Variants in CCDC85A observed in about 807,000 individuals in gnomAD.
The protein encoded by CCDC85A is coiled-coil domain containing 85A.
In CCDC85A, 38 loss-of-function variants were observed where a neutral mutation model predicts 50.2. The ratio of observed to expected loss-of-function variants is 0.76; its 90% CI spans 0.58 to 0.99. The LOEUF is 0.99. Ranked by LOEUF, CCDC85A falls within the 50% of genes least tolerant of loss-of-function variation. The probability of loss-of-function intolerance (pLI) is 0.00; values close to 1 mark genes in which losing one functional copy is unlikely to be tolerated. For missense variants in CCDC85A, 820 were observed against 742.0 expected, an observed-to-expected ratio of 1.11 and a Z score of -1.22; for synonymous variants, 366 against 301.4, an observed-to-expected ratio of 1.21 and a Z score of -2.22.
chr2:56,322,282 A>G (rs1472996512), intron 2 of CCDC85A, among the ~76,000 whole-genome samples: 1 of 152,232 alleles, frequency 6.6e-6, no homozygotes, highest in Non-Finnish European at 1.5e-5. Context: ...CAAAAGCCCA[A>G]ATTGACAAAT....
intron 2 of CCDC85A, among the ~76,000 whole-genome samples, chr2:56,245,960 A>G (rs1669489992): frequency 6.6e-6 from 1 of 152,172 alleles, no homozygotes; most frequent in African/African-American, 2.4e-5. Flanking sequence ...GTATTCTGTT[A>G]TAGCAGCTGA....
intron 2 of CCDC85A, among the ~76,000 whole-genome samples, chr2:56,312,698 T>G (rs779238927): frequency 4.2e-4 from 64 of 152,288 alleles, no homozygotes; most frequent in Non-Finnish European, 7.4e-4. Flanking sequence ...GAACATCTAC[T>G]TTATAAAATG....
intron 1 of CCDC85A, among the ~76,000 whole-genome samples, chr2:56,189,312 T>TTTTTTTTTTTTTTTTTTAG (rs1572998269): frequency 6.7e-6 from 1 of 149,854 alleles, no homozygotes; most frequent in Admixed American, 6.6e-5. Flanking sequence ...TTTTTTTTTT[T>TTTTTTTTTTTTTTTTTTAG]GAGACAAGGT....
intron 2 of CCDC85A, among the ~76,000 whole-genome samples, chr2:56,293,321 A>T (rs1292856704): frequency 1.3e-5 from 2 of 152,230 alleles, no homozygotes. Flanking sequence ...ATATACAAAA[A>T]TTAACTCAAG....
intron 2 of CCDC85A, among the ~76,000 whole-genome samples, chr2:56,309,260 G>C (rs1672583603): frequency 6.6e-6 from 1 of 152,092 alleles, no homozygotes; most frequent in Non-Finnish European, 1.5e-5. Context: ...GTTCAAATTA[G>C]ATTTCTTGAC....
At chr2:56,197,578 A>G (rs1676578702) in intron 2 of CCDC85A, among the ~76,000 whole-genome samples, 1 of 152,198 alleles carries the variant, frequency 6.6e-6, no homozygotes, top group African/African-American at 2.4e-5. Context: ...GGTGATTCTA[A>G]TGAGTGGACC....
rs1034379907 is a variant in CCDC85A at position 56,254,048 on chromosome 2, A to G, written c.1240+60608A>G. Among the ~76,000 whole-genome samples the G allele has an allele frequency of 1.1e-4, 17 of 152,196 alleles. 1 individual carries two copies. Among genetic ancestry groups the G allele is most frequent in the Admixed American group, 1.1e-3 (17 of 15,278 alleles). On this transcript the variant is annotated intron_variant, in intron 2 of 5. Coordinates refer to ENST00000407595, the MANE Select transcript of CCDC85A (RefSeq NM_001080433.2). Reference sequence around the variant, plus strand: ...TCAACTCTAGTCTTAAGGAAGATACATGTGCATGCACACACATATACACAT... The same window carrying G: ...TCAACTCTAGTCTTAAGGAAGATACGTGTGCATGCACACACATATACACAT...
chr2:56,358,831 T>G (rs1020506166), intron 3 of CCDC85A, among the ~76,000 whole-genome samples: 3 of 151,772 alleles, frequency 2.0e-5, no homozygotes, highest in African/African-American at 7.3e-5. Flanking sequence ...GTTACCCAGG[T>G]TGGAGTACAG....
chr2:56,227,719 ATT>A (rs11293407), intron 2 of CCDC85A, among the ~76,000 whole-genome samples: 33 of 149,994 alleles, frequency 2.2e-4, no homozygotes, highest in South Asian at 6.4e-4. Context: ...AACCACCCCC[ATT>A]TTTTTTTTTG....
chr2:56,258,179 G>A (rs1670067843), intron 2 of CCDC85A, among the ~76,000 whole-genome samples: 1 of 152,152 alleles, frequency 6.6e-6, no homozygotes, highest in Admixed American at 6.5e-5. Context: ...GTAAGAGGTG[G>A]GGGAGGCCAT....
chr2:56,323,359 G>T (rs1425024201), intron 2 of CCDC85A, among the ~76,000 whole-genome samples: 1 of 152,068 alleles, frequency 6.6e-6, no homozygotes, highest in South Asian at 2.1e-4. Flanking sequence ...GCTTCTGAAG[G>T]TATAGGAAAT....
intron 2 of CCDC85A, among the ~76,000 whole-genome samples, chr2:56,326,702 A>G (rs562183839): frequency 3.3e-5 from 5 of 152,292 alleles, no homozygotes; most frequent in African/African-American, 1.2e-4. Context: ...TTGTTTAGTT[A>G]GAATAGTTTT....
intron 2 of CCDC85A, among the ~76,000 whole-genome samples, chr2:56,304,958 C>A: frequency 6.6e-6 from 1 of 150,426 alleles, no homozygotes; most frequent in East Asian, 1.9e-4. Flanking sequence ...AAAAAAAAAC[C>A]TGGGCGTGGT....
intron 2 of CCDC85A, among the ~76,000 whole-genome samples, chr2:56,240,506 G>C (rs1156726333): frequency 2.0e-5 from 3 of 151,930 alleles, no homozygotes; most frequent in African/African-American, 7.3e-5. Flanking sequence ...ATCATTCTTT[G>C]TGTGTTTTGT....
intron 2 of CCDC85A, among the ~76,000 whole-genome samples, chr2:56,270,641 C>T (rs765834581): frequency 3.9e-5 from 6 of 152,100 alleles, no homozygotes; most frequent in Admixed American, 6.5e-5. Flanking sequence ...TTTTAATGAA[C>T]TCTCGTTTTA....
intron 1 of CCDC85A, among the ~76,000 whole-genome samples, chr2:56,186,165 G>A (rs1340215619): frequency 6.6e-6 from 1 of 152,170 alleles, no homozygotes. Flanking sequence ...GGTGCAGGTA[G>A]GAAGATTCCT....
At position 56,204,545 on chromosome 2, in the gene CCDC85A, G is replaced by A. The variant is rs556821773; in HGVS notation, c.1240+11105G>A. ...CAGTCCATGCTGCCTCCAGCTTCTT[G>A]CCCTTCCTCTTCCAAGGAAAGGAAG... is the stretch of plus-strand genomic sequence containing the variant. On this transcript the variant is annotated intron_variant, in intron 2 of 5. Coordinates refer to ENST00000407595, the MANE Select transcript of CCDC85A (RefSeq NM_001080433.2). Among the ~76,000 whole-genome samples the A allele has an allele frequency of 1.0e-3, 155 of 152,256 alleles. 2 individuals carry two copies. Among genetic ancestry groups the A allele is most frequent in the African/African-American group, 3.7e-3 (153 of 41,564 alleles).
At chr2:56,301,808 G>T (rs1573210543) in intron 2 of CCDC85A, among the ~76,000 whole-genome samples, 1 of 152,138 alleles carries the variant, frequency 6.6e-6, no homozygotes. Flanking sequence ...AAGCCTGTTG[G>T]GGGTGGGAGC....
chr2:56,366,121 T>C (rs888014406), intron 3 of CCDC85A, among the ~76,000 whole-genome samples: 3 of 152,222 alleles, frequency 2.0e-5, no homozygotes, highest in African/African-American at 7.2e-5. Flanking sequence ...AGTATTCTGT[T>C]GTATATATAG....
Sources: allele counts gnomAD v4.1 joint callset (sites outside exome capture counted in the v4.1 genomes callset), GRCh38; gene constraint gnomAD v4.1.1; transcripts MANE v1.5; gene names NCBI Gene and HGNC (gene_info 2026-07-23, HGNC 2026-07-21).